Variants in CERS6 observed in about 807,000 individuals in gnomAD.
The protein encoded by CERS6 is ceramide synthase 6, also known as LAG1 homolog, ceramide synthase 6.
Under a neutral mutation model 56.8 loss-of-function variants are expected in CERS6, and 26 were observed. That is an observed-to-expected ratio of 0.46 (90% confidence interval 0.34 to 0.63). The LOEUF (loss-of-function observed/expected upper bound fraction) is 0.63. CERS6 is among the 30% of genes least tolerant of loss of function. The pLI, the probability that CERS6 is intolerant of heterozygous loss-of-function variation, is 0.01. For missense variants in CERS6, 415 were observed against 467.5 expected (o/e 0.89, Z 1.04); for synonymous variants, 164 against 173.3 (o/e 0.95, Z 0.42).
intron 6 of CERS6, among the ~76,000 whole-genome samples, chr2:168,696,893 T>G (rs1197300672): frequency 1.3e-5 from 2 of 152,196 alleles, no homozygotes; most frequent in Non-Finnish European, 2.9e-5. Context: ...CCCATGACTA[T>G]CAGTGTAGCT....
At chr2:168,577,715 C>T (rs950757286) in intron 3 of CERS6, among the ~76,000 whole-genome samples, 6 of 151,986 alleles carry the variant, frequency 3.9e-5, no homozygotes, top group Admixed American at 2.0e-4. Context: ...CATAGGGAGG[C>T]AGAGTCAGGT....
intron 3 of CERS6, among the ~76,000 whole-genome samples, chr2:168,590,988 C>T (rs1300503730): frequency 6.6e-6 from 1 of 152,170 alleles, no homozygotes; most frequent in Non-Finnish European, 1.5e-5. Context: ...ATGTTAGTGC[C>T]ATCTCTTTGT....
At chr2:168,630,158 A>T (rs913690598) in intron 3 of CERS6, among the ~76,000 whole-genome samples, 2 of 151,478 alleles carry the variant, frequency 1.3e-5, no homozygotes, top group African/African-American at 2.4e-5. Context: ...TTTTCTTACA[A>T]GATAACTTTT....
intron 3 of CERS6, among the ~76,000 whole-genome samples, chr2:168,566,923 G>T (rs978954793): frequency 5.3e-5 from 8 of 152,056 alleles, no homozygotes; most frequent in African/African-American, 1.9e-4. Flanking sequence ...ACCATGACAT[G>T]AGCATCAGTT....
intron 1 of CERS6, among the ~76,000 whole-genome samples, chr2:168,536,699 G>A (rs1695270305): frequency 6.6e-6 from 1 of 152,170 alleles, no homozygotes. Context: ...AATATATGTA[G>A]TATGATGTAA....
chr2:168,593,946 A>G (rs913252856), intron 3 of CERS6, among the ~76,000 whole-genome samples: 6 of 152,222 alleles, frequency 3.9e-5, no homozygotes, highest in Non-Finnish European at 5.9e-5. Flanking sequence ...TTGTGTGACA[A>G]CAAGCACCAG....
At chr2:168,604,549 A>T (rs563461185) in intron 3 of CERS6, among the ~76,000 whole-genome samples, 1 of 152,174 alleles carries the variant, frequency 6.6e-6, no homozygotes, top group Admixed American at 6.5e-5. Context: ...GTAATTCTCA[A>T]TGCTGGAAGT....
intron 8 of CERS6, among the ~76,000 whole-genome samples, chr2:168,763,192 T>C (rs1015191196): frequency 2.0e-5 from 3 of 150,902 alleles, no homozygotes; most frequent in South Asian, 2.1e-4. Flanking sequence ...TTTTCTTTTT[T>C]CTTTATCTCT....
At chr2:168,648,339 T>C (rs61160770) in intron 4 of CERS6, among the ~76,000 whole-genome samples, 53,143 of 151,892 alleles carry the variant, frequency 0.35, 12,084 homozygotes, top group African/African-American at 0.64. Context: ...TGATGGTTAT[T>C]TTTATTTCTG....
In CERS6 at chr2:168,527,222, T is replaced by A. The variant is rs574763255; in HGVS notation, c.171-20374T>A. Among the ~76,000 whole-genome samples the A allele has an allele frequency of 2.8e-4, 42 of 152,302 alleles. No individual in the cohort carries two copies. The East Asian group carries it at 7.7e-3, about 28-fold the overall frequency. ...TCTTTATTTAAAAACAGACTTTATTTTTAAGAGCAGTTTTAGGTTCACATC... is the reference window on the plus strand; with the variant it reads ...TCTTTATTTAAAAACAGACTTTATTATTAAGAGCAGTTTTAGGTTCACATC... On this transcript the variant is annotated intron_variant, in intron 1 of 9. Transcript: ENST00000305747.
At chr2:168,729,136 A>ATTGT (rs1459761292) in intron 8 of CERS6, among the ~76,000 whole-genome samples, 1 of 152,140 alleles carries the variant, frequency 6.6e-6, no homozygotes, top group Non-Finnish European at 1.5e-5. Context: ...AAATAAAAAG[A>ATTGT]TTGTTTGCTC....
chr2:168,609,974 G>GTTTTTTTTTTTTTTT (rs5836191), intron 3 of CERS6, among the ~76,000 whole-genome samples: 1 of 93,820 alleles, frequency 1.1e-5, no homozygotes, highest in Non-Finnish European at 1.9e-5. Flanking sequence ...AGATGTGACT[G>GTTTTTTTTTTTTTTT]TTTTTTTTTT....
intron 4 of CERS6, among the ~76,000 whole-genome samples, chr2:168,658,736 G>A (rs1462354043): frequency 2.6e-5 from 4 of 152,224 alleles, no homozygotes; most frequent in East Asian, 1.9e-4. Context: ...TAAGGAAACT[G>A]AGGCAGAAAA....
rs541445063 is a variant in CERS6 at position 168,667,137 on chromosome 2, G to A, written c.466-23897G>A. On this transcript the variant is annotated intron_variant, in intron 4 of 9. Transcript: ENST00000305747. Reference sequence around the variant, plus strand: ...ATTTTTTCTTTTCATTATAAATTAAGCAAAGCAATATATTTCGGATTGGGA... The same window carrying A: ...ATTTTTTCTTTTCATTATAAATTAAACAAAGCAATATATTTCGGATTGGGA... Among the ~76,000 whole-genome samples, 6 of 152,220 alleles carry A rather than the reference G, an allele frequency of 3.9e-5. No individual in the cohort carries two copies. The South Asian group carries it at 1.2e-3, about 32-fold the overall frequency.
At chr2:168,698,838 A>G (rs1686733555) in intron 6 of CERS6, among the ~76,000 whole-genome samples, 1 of 152,182 alleles carries the variant, frequency 6.6e-6, no homozygotes, top group Non-Finnish European at 1.5e-5. Context: ...AGGCCTGTAT[A>G]TATTGTCAGT....
At chr2:168,694,348 TAGAGCTG>T (rs1686582566) in intron 5 of CERS6, among the ~76,000 whole-genome samples, 1 of 152,206 alleles carries the variant, frequency 6.6e-6, no homozygotes, top group Non-Finnish European at 1.5e-5. Context: ...TGCTGAGCTG[TAGAGCTG>T]AGACGTGATC....
intron 6 of CERS6, among the ~76,000 whole-genome samples, chr2:168,697,033 G>A (rs993774976): frequency 6.6e-6 from 1 of 152,096 alleles, no homozygotes; most frequent in Non-Finnish European, 1.5e-5. Context: ...GTTGCAAACT[G>A]GTATCCAAGT....
chr2:168,754,825 A>G (rs1306439296), intron 8 of CERS6, among the ~76,000 whole-genome samples: 1 of 152,128 alleles, frequency 6.6e-6, no homozygotes, highest in African/African-American at 2.4e-5. Flanking sequence ...GTGTAGGCTT[A>G]TAGCTCACTG....
intron 3 of CERS6, among the ~76,000 whole-genome samples, chr2:168,597,706 A>T (rs1168669435): frequency 1.3e-5 from 2 of 152,220 alleles, no homozygotes; most frequent in African/African-American, 4.8e-5. Flanking sequence ...AACAATTGAT[A>T]TGTATATTAA....
Sources: gnomAD v4.1 joint callset for allele counts (sites outside exome capture counted in the v4.1 genomes callset) on GRCh38, gnomAD v4.1.1 for gene constraint, MANE v1.5 for transcripts, NCBI Gene and HGNC (gene_info 2026-07-23, HGNC 2026-07-21) for gene names.